The following MAF variants were observed in gnomAD, a reference collection of about 807,000 sequenced individuals.
MAF encodes the protein transcription factor Maf.
MAF carries 10 observed loss-of-function variants against 22.0 expected under a neutral mutation model. The observed-to-expected ratio is 0.45, with a 90% CI of 0.28 to 0.77. The LOEUF (loss-of-function observed/expected upper bound fraction) is 0.77. MAF is among the 30% of genes least tolerant of loss of function. MAF has a pLI of 0.12. For synonymous variants in MAF, 337 were observed against 255.8 expected (o/e 1.32, Z -3.03); for missense variants, 544 against 548.4 (o/e 0.99, Z 0.08).
the MAF span, among the ~76,000 whole-genome samples, chr16:79,322,096 G>T: frequency 6.6e-6 from 1 of 152,100 alleles, no homozygotes; most frequent in Non-Finnish European, 1.5e-5. Flanking sequence ...GCCGGGTGTG[G>T]TAGCACATGC....
chr16:79,418,159 T>G, the MAF span, among the ~76,000 whole-genome samples: 1 of 152,170 alleles, frequency 6.6e-6, no homozygotes, highest in Non-Finnish European at 1.5e-5. Context: ...TCCCTCTCAT[T>G]GTGTCTCGAG....
At chr16:79,409,310 C>T in the MAF span, among the ~76,000 whole-genome samples, 8 of 152,278 alleles carry the variant, frequency 5.3e-5, no homozygotes, top group South Asian at 2.1e-4. Flanking sequence ...GAAAGGAAGT[C>T]GCGCTGTTTT....
At chr16:79,583,178 A>G (rs753786957), downstream of MAF, among the ~76,000 whole-genome samples, 65 of 152,228 alleles carry the variant, frequency 4.3e-4, no homozygotes, top group Non-Finnish European at 7.2e-4. Flanking sequence ...GCAACACAGA[A>G]GGACAGGCGT....
At chr16:79,479,646 A>C in the MAF span, among the ~76,000 whole-genome samples, 40 of 152,340 alleles carry the variant, frequency 2.6e-4, no homozygotes, top group African/African-American at 9.6e-4. Flanking sequence ...AGTTATGCGG[A>C]TCACAGTACT....
At chr16:79,275,573 C>G in the MAF span, among the ~76,000 whole-genome samples, 1 of 152,284 alleles carries the variant, frequency 6.6e-6, no homozygotes. Context: ...GAGGCTAAGT[C>G]AGAGTGTAGT....
the MAF span, chr16:79,212,711 T>C: frequency 6.6e-6 from 1 of 152,092 alleles, no homozygotes. Flanking sequence ...TGTTTCAGTT[T>C]GTTTTTGTTT....
At chr16:79,379,061 G>A in the MAF span, among the ~76,000 whole-genome samples, 3 of 152,174 alleles carry the variant, frequency 2.0e-5, no homozygotes, top group Non-Finnish European at 2.9e-5. Context: ...GGAGGCATCA[G>A]CTTTTTAAAG....
the MAF span, among the ~76,000 whole-genome samples, chr16:79,534,770 A>G: frequency 2.6e-5 from 4 of 152,202 alleles, no homozygotes; most frequent in Non-Finnish European, 5.9e-5. Context: ...GAAAACTGTG[A>G]CCAGTTGTCA....
the MAF span, among the ~76,000 whole-genome samples, chr16:79,571,072 G>A: frequency 6.6e-6 from 1 of 150,986 alleles, no homozygotes; most frequent in Non-Finnish European, 1.5e-5. Flanking sequence ...TGATGACTGT[G>A]TAGTTTGCTC....
At chr16:79,203,132 T>TATC in the MAF span, 44 of 152,288 alleles carry the variant, frequency 2.9e-4, no homozygotes, top group African/African-American at 9.9e-4. Flanking sequence ...GTGAATGAAA[T>TATC]ATCTATTGTT....
the MAF span, among the ~76,000 whole-genome samples, chr16:79,412,796 C>G: frequency 1.3e-5 from 2 of 152,212 alleles, no homozygotes; most frequent in Non-Finnish European, 2.9e-5. Flanking sequence ...AAAGACAACC[C>G]TCCCCCATTC....
At chr16:79,304,008 G>C in the MAF span, among the ~76,000 whole-genome samples, 7 of 152,218 alleles carry the variant, frequency 4.6e-5, no homozygotes, top group African/African-American at 1.4e-4. Context: ...ACATTCAGTG[G>C]AAATAAGGCG....
At chr16:79,334,341 G>T in the MAF span, among the ~76,000 whole-genome samples, 2 of 152,160 alleles carry the variant, frequency 1.3e-5, no homozygotes, top group African/African-American at 4.8e-5. Context: ...GGAGCTAGAA[G>T]CAAACGAATC....
At chr16:79,286,743 C>A in the MAF span, among the ~76,000 whole-genome samples, 1 of 152,298 alleles carries the variant, frequency 6.6e-6, no homozygotes, top group African/African-American at 2.4e-5. Flanking sequence ...GAGGCAAATG[C>A]CCACACGTCC....
the MAF span, among the ~76,000 whole-genome samples, chr16:79,256,266 G>A: frequency 6.6e-6 from 1 of 151,958 alleles, no homozygotes; most frequent in Admixed American, 6.6e-5. Flanking sequence ...GGGATTACAG[G>A]TGTGAGTCAT....
At chr16:79,227,985 C>A in the MAF span, among the ~76,000 whole-genome samples, 1 of 152,096 alleles carries the variant, frequency 6.6e-6, no homozygotes, top group African/African-American at 2.4e-5. Context: ...CTTACTGTTA[C>A]CTTGAACTCC....
chr16:79,232,107 G>C, the MAF span, among the ~76,000 whole-genome samples: 11 of 152,032 alleles, frequency 7.2e-5, no homozygotes, highest in African/African-American at 2.7e-4. Flanking sequence ...TACAGATGAA[G>C]TTTTGTTCCC....
the MAF span, among the ~76,000 whole-genome samples, chr16:79,265,143 T>C: frequency 6.6e-6 from 1 of 152,172 alleles, no homozygotes; most frequent in Admixed American, 6.5e-5. Flanking sequence ...ATTGCATAAA[T>C]GGAAGTCATT....
the MAF span, among the ~76,000 whole-genome samples, chr16:79,506,182 T>C: frequency 1.3e-5 from 2 of 152,200 alleles, no homozygotes; most frequent in Admixed American, 6.5e-5. Flanking sequence ...TAAAATCAAC[T>C]GAATATTTAC....
Sources: allele counts gnomAD v4.1 joint callset (sites outside exome capture counted in the v4.1 genomes callset), GRCh38; gene constraint gnomAD v4.1.1; transcripts MANE v1.5; gene names NCBI Gene and HGNC (gene_info 2026-07-23, HGNC 2026-07-21).